Variants in CNTN4 observed in about 807,000 individuals in gnomAD.
CNTN4 encodes the protein contactin-4.
Under a neutral mutation model 122.5 loss-of-function variants are expected in CNTN4, and 77 were observed. That is an observed-to-expected ratio of 0.63 (90% CI 0.52 to 0.76). The LOEUF is 0.76. Ranked by LOEUF, CNTN4 falls within the 30% of genes least tolerant of loss-of-function variation. The pLI, the probability that CNTN4 is intolerant of heterozygous loss-of-function variation, is 0.00. For synonymous variants in CNTN4, 512 were observed against 447.0 expected (o/e 1.15, Z -1.83); for missense variants, 1,256 against 1,259.1 (o/e 1.00, Z 0.04).
chr3:2,331,883 C>G (rs768124277), intron 2 of CNTN4, among the ~76,000 whole-genome samples: 2 of 152,160 alleles, frequency 1.3e-5, no homozygotes, highest in Admixed American at 6.5e-5. Flanking sequence ...GCCCAGTCCC[C>G]TGCCGCTGGG....
intron 2 of CNTN4, among the ~76,000 whole-genome samples, chr3:2,290,512 G>C (rs1243950282): frequency 1.3e-5 from 2 of 152,122 alleles, no homozygotes; most frequent in Non-Finnish European, 2.9e-5. Flanking sequence ...AGAAAGGCTG[G>C]ATAAAAAGAG....
At chr3:2,737,173 C>G (rs960190150) in intron 5 of CNTN4, among the ~76,000 whole-genome samples, 2 of 152,024 alleles carry the variant, frequency 1.3e-5, no homozygotes, top group African/African-American at 4.8e-5. Context: ...CTCCCCCTCC[C>G]GGGTTAAAGG....
chr3:2,507,718 G>A (rs2076770392), intron 3 of CNTN4, among the ~76,000 whole-genome samples: 1 of 138,226 alleles, frequency 7.2e-6, no homozygotes, highest in South Asian at 2.3e-4. Flanking sequence ...CTGGGCCACA[G>A]TGAGAGACTT....
At chr3:2,518,046 A>T (rs1402169823) in intron 3 of CNTN4, among the ~76,000 whole-genome samples, 2 of 152,170 alleles carry the variant, frequency 1.3e-5, no homozygotes, top group East Asian at 3.8e-4. Context: ...CCACAAGGGT[A>T]TTCGGTTGAT....
At chr3:2,844,930 G>A (rs1255894933) in intron 7 of CNTN4, among the ~76,000 whole-genome samples, 1 of 152,176 alleles carries the variant, frequency 6.6e-6, no homozygotes, top group Non-Finnish European at 1.5e-5. Flanking sequence ...CTACGCTCAG[G>A]TGAATTTGGA....
intron 14 of CNTN4, among the ~76,000 whole-genome samples, chr3:3,002,671 G>C (rs1330082313): frequency 6.6e-6 from 1 of 152,088 alleles, no homozygotes; most frequent in Admixed American, 6.6e-5. Flanking sequence ...AGAAAATGAA[G>C]TCCCCTTCTA....
intron 14 of CNTN4, among the ~76,000 whole-genome samples, chr3:3,015,572 T>A (rs1697668592): frequency 6.6e-6 from 1 of 152,226 alleles, no homozygotes; most frequent in South Asian, 2.1e-4. Context: ...TTTCCCAAGA[T>A]GCAGTCCTTA....
chr3:2,171,475 AT>A (rs1384221921), intron 2 of CNTN4, among the ~76,000 whole-genome samples: 1 of 152,214 alleles, frequency 6.6e-6, no homozygotes, highest in East Asian at 1.9e-4. Flanking sequence ...CACAGTGGAG[AT>A]TTTTAACTTT....
At chr3:2,729,356 A>G (rs1188795061) in intron 4 of CNTN4, among the ~76,000 whole-genome samples, 2 of 150,670 alleles carry the variant, frequency 1.3e-5, no homozygotes, top group Non-Finnish European at 1.5e-5. Flanking sequence ...CGAGGTCAGG[A>G]GATTGAGACC....
intron 7 of CNTN4, among the ~76,000 whole-genome samples, chr3:2,847,844 G>A (rs752187866): frequency 1.6e-4 from 25 of 152,194 alleles, no homozygotes; most frequent in Non-Finnish European, 3.5e-4. Flanking sequence ...CAGTCTGCCT[G>A]TCTTCCCTGC....
At chr3:2,470,904 G>A (rs72997983) in intron 3 of CNTN4, among the ~76,000 whole-genome samples, 7,663 of 152,196 alleles carry the variant, frequency 0.05, 283 homozygotes, top group Non-Finnish European at 0.076. Flanking sequence ...TGGATGCTTC[G>A]AGAGATGAAA....
chr3:2,656,042 T>C lies in CNTN4; in HGVS notation c.56-80173T>C, dbSNP rs80069823. 4.9e-3 allele frequency among the ~76,000 whole-genome samples: 743 copies of C among 152,300 alleles called. 2 individuals carry two copies. The highest frequency in any genetic ancestry group is 0.017 in the African/African-American group (695 of 41,562). ...AATGGACTTTCTGGAATGGAAAAGA[T>C]AAGAATGTTTTATTGTCCTCGAGGC... On this transcript the variant is annotated intron_variant, in intron 4 of 24. Coordinates refer to ENST00000418658, the MANE Select transcript of CNTN4 (RefSeq NM_175607.3).
chr3:2,384,399 T>C (rs2046156949), intron 3 of CNTN4, among the ~76,000 whole-genome samples: 1 of 152,132 alleles, frequency 6.6e-6, no homozygotes, highest in African/African-American at 2.4e-5. Flanking sequence ...AGTCGCCTAA[T>C]TACTCGCAGC....
chr3:2,119,172 G>A (rs1040041243), intron 2 of CNTN4, among the ~76,000 whole-genome samples: 3 of 152,178 alleles, frequency 2.0e-5, no homozygotes, highest in African/African-American at 7.2e-5. Flanking sequence ...GACAGCTTTT[G>A]GTCTCTGGCT....
At chr3:2,206,345 A>G (rs2038341938) in intron 2 of CNTN4, among the ~76,000 whole-genome samples, 1 of 152,106 alleles carries the variant, frequency 6.6e-6, no homozygotes, top group Non-Finnish European at 1.5e-5. Flanking sequence ...TATTGTCAAT[A>G]TGCAATCAGG....
intron 4 of CNTN4, among the ~76,000 whole-genome samples, chr3:2,601,494 A>G (rs1168961755): frequency 6.6e-6 from 1 of 152,144 alleles, no homozygotes; most frequent in Non-Finnish European, 1.5e-5. Flanking sequence ...CAGGTTTGTC[A>G]AAGATCGGAT....
intron 4 of CNTN4, among the ~76,000 whole-genome samples, chr3:2,658,358 T>C (rs1308403736): frequency 2.0e-5 from 3 of 152,050 alleles, no homozygotes; most frequent in African/African-American, 7.2e-5. Context: ...AGCCTAAATT[T>C]TCATGGCCAT....
intron 2 of CNTN4, among the ~76,000 whole-genome samples, chr3:2,111,602 G>A (rs2032960230): frequency 6.6e-6 from 1 of 152,096 alleles, no homozygotes; most frequent in Non-Finnish European, 1.5e-5. Flanking sequence ...GAATGACTCA[G>A]TGATTCATAT....
In CNTN4 at chr3:2,484,462, G is replaced by T. The variant is rs190558417; in HGVS notation, c.-88-86954G>T. On this transcript the variant is annotated intron_variant, in intron 3 of 24. Coordinates refer to ENST00000418658, the MANE Select transcript of CNTN4 (RefSeq NM_175607.3). The stretch of plus-strand genomic sequence containing the variant: ...ATGCTTTGGGCTTCCCTGGCATGCA[G>T]TGACTCTTATAACTGTGTATTCCAT... Among the ~76,000 whole-genome samples, 73 of 152,276 alleles carry T rather than the reference G, an allele frequency of 4.8e-4. 1 individual carries two copies. Among genetic ancestry groups the T allele is most frequent in the Non-Finnish European group, 1.5e-4 (10 of 68,034 alleles).
Sources: allele counts gnomAD v4.1 joint callset (sites outside exome capture counted in the v4.1 genomes callset), GRCh38; gene constraint gnomAD v4.1.1; transcripts MANE v1.5; gene names NCBI Gene and HGNC (gene_info 2026-07-23, HGNC 2026-07-21).